Variants in PTPRG observed in about 807,000 individuals in gnomAD.
PTPRG encodes the protein protein tyrosine phosphatase receptor type G.
A neutral mutation model predicts 165.3 loss-of-function variants in PTPRG; 102 were observed. That is an observed-to-expected ratio of 0.62 (90% CI 0.53 to 0.73). The LOEUF is 0.73. PTPRG is among the 30% of genes least tolerant of loss of function. The pLI is 0.00. For missense variants in PTPRG, 1,866 were observed against 1,861.4 expected (o/e 1.00, Z -0.05); for synonymous variants, 675 against 669.5 (o/e 1.01, Z -0.13).
chr3:62,282,834 C>G lies in PTPRG; in HGVS notation c.4020C>G (p.Ala1340=). ...FELINVIKEE[A]LTRDGPTIVH... is the part of the protein sequence containing the mutation. The stretch of plus-strand genomic sequence containing the variant: ...TTATCAACGTCATCAAGGAAGAGGC[C>G]TTAACAAGGGATGGTCCCACCATTG... Residue 1340 remains alanine, a synonymous_variant, in exon 28 of 30, where the codon GCC becomes GCG. Transcript: ENST00000474889. The G allele has an allele frequency of 1.2e-6, 2 of 1,611,320 alleles. No individual in the cohort carries two copies. Among genetic ancestry groups the G allele is most frequent in the Middle Eastern group, 1.7e-4 (1 of 6,046 alleles).
chr3:62,107,148 T>C (rs912552129), intron 5 of PTPRG, among the ~76,000 whole-genome samples: 7 of 152,238 alleles, frequency 4.6e-5, no homozygotes, highest in Non-Finnish European at 8.8e-5. Flanking sequence ...TATCTCACTT[T>C]TCACAGTTGG....
intron 1 of PTPRG, among the ~76,000 whole-genome samples, chr3:61,593,596 T>C (rs994582603): frequency 2.6e-5 from 4 of 152,008 alleles, no homozygotes; most frequent in Admixed American, 6.6e-5. Context: ...GAGGTTCTTA[T>C]AATAATCAGT....
chr3:61,661,437 C>T (rs375055160), intron 1 of PTPRG, among the ~76,000 whole-genome samples: 4 of 151,952 alleles, frequency 2.6e-5, no homozygotes, highest in Non-Finnish European at 4.4e-5. Context: ...TTTTATGCTG[C>T]GTATATCTTA....
At chr3:61,953,160 G>C (rs1434604620) in intron 2 of PTPRG, among the ~76,000 whole-genome samples, 1 of 152,062 alleles carries the variant, frequency 6.6e-6, no homozygotes, top group Non-Finnish European at 1.5e-5. Flanking sequence ...CTCCCAACCT[G>C]CTTCACCTGG....
At chr3:61,968,982 A>C (rs555872158) in intron 2 of PTPRG, among the ~76,000 whole-genome samples, 1 of 152,328 alleles carries the variant, frequency 6.6e-6, no homozygotes, top group East Asian at 1.9e-4. Context: ...TGTCACGTAT[A>C]ATTAAAACTA....
intron 28 of PTPRG, among the ~76,000 whole-genome samples, chr3:62,289,439 A>C (rs1702791175): frequency 1.3e-5 from 2 of 152,222 alleles, no homozygotes; most frequent in South Asian, 4.1e-4. Flanking sequence ...AACAAGGCTT[A>C]GCACCAGAAT....
intron 1 of PTPRG, among the ~76,000 whole-genome samples, chr3:61,690,482 A>G (rs1469983268): frequency 6.6e-6 from 1 of 152,222 alleles, no homozygotes; most frequent in African/African-American, 2.4e-5. Flanking sequence ...CGTCTGATAC[A>G]TGCAAAGTGG....
chr3:62,070,645 C>G (rs1289733897), intron 4 of PTPRG, among the ~76,000 whole-genome samples: 3 of 152,074 alleles, frequency 2.0e-5, no homozygotes, highest in Non-Finnish European at 2.9e-5. Flanking sequence ...TAATACTAGC[C>G]GTTACAAAAT....
chr3:62,016,845 G>T (rs905946148), intron 4 of PTPRG, among the ~76,000 whole-genome samples: 1 of 152,002 alleles, frequency 6.6e-6, no homozygotes, highest in Non-Finnish European at 1.5e-5. Flanking sequence ...CACTGGCTTT[G>T]TTCTTCTCCC....
At chr3:61,745,432 C>T (rs927226399) in intron 1 of PTPRG, among the ~76,000 whole-genome samples, 4 of 152,154 alleles carry the variant, frequency 2.6e-5, no homozygotes, top group African/African-American at 9.7e-5. Flanking sequence ...AGGAATATGC[C>T]TGTGCCCTAT....
In PTPRG at chr3:61,642,400, T is replaced by C. The variant is rs565896527; in HGVS notation, c.85+80028T>C. Among the ~76,000 whole-genome samples, 5 of 152,338 alleles carry C rather than the reference T, an allele frequency of 3.3e-5. No homozygotes were observed. In the East Asian group the frequency reaches 9.6e-4, roughly 29 times the overall value. The stretch of plus-strand genomic sequence containing the variant: ...TGAGATCTTCTGTTCTGGTGATAGA[T>C]GCTTGATTCAGGTTTGGAGAGCAGC... On this transcript the variant is annotated intron_variant, in intron 1 of 29. Coordinates refer to ENST00000474889, the MANE Select transcript of PTPRG (RefSeq NM_002841.4).
chr3:61,644,281 C>G (rs1483412666), intron 1 of PTPRG, among the ~76,000 whole-genome samples: 1 of 152,000 alleles, frequency 6.6e-6, no homozygotes, highest in African/African-American at 2.4e-5. Context: ...TTTTTTTATG[C>G]CTTGTGAAAA....
At chr3:62,177,098 C>G (rs1705455041) in intron 8 of PTPRG, among the ~76,000 whole-genome samples, 1 of 151,892 alleles carries the variant, frequency 6.6e-6, no homozygotes, top group Admixed American at 6.6e-5. Flanking sequence ...CCCATCTCCA[C>G]CAAGAAAAGA....
At chr3:62,114,327 C>T (rs530476204) in intron 5 of PTPRG, among the ~76,000 whole-genome samples, 5 of 151,528 alleles carry the variant, frequency 3.3e-5, no homozygotes, top group South Asian at 2.1e-4. Context: ...AAAAAAAAAA[C>T]GTAGATTTCC....
intron 2 of PTPRG, among the ~76,000 whole-genome samples, chr3:61,870,494 T>A (rs1476674835): frequency 3.1e-5 from 4 of 127,982 alleles, no homozygotes; most frequent in Non-Finnish European, 4.8e-5. Context: ...TTTTTTTTTT[T>A]TTTTTTTTGT....
chr3:62,208,960 C>T (rs1700293235), intron 12 of PTPRG, among the ~76,000 whole-genome samples: 1 of 152,142 alleles, frequency 6.6e-6, no homozygotes, highest in Non-Finnish European at 1.5e-5. Context: ...AGCCACACGG[C>T]CCATGGCAAG....
intron 5 of PTPRG, among the ~76,000 whole-genome samples, chr3:62,129,194 T>C (rs572118837): frequency 6.6e-6 from 1 of 152,288 alleles, no homozygotes; most frequent in South Asian, 2.1e-4. Flanking sequence ...GTATCAGACA[T>C]GGAGAAGCTG....
chr3:61,570,858 C>CT (rs1043098040), intron 1 of PTPRG, among the ~76,000 whole-genome samples: 2 of 152,176 alleles, frequency 1.3e-5, no homozygotes, highest in Non-Finnish European at 2.9e-5. Flanking sequence ...AAGCGTTTCT[C>CT]TTCAGTAAGT....
At chr3:61,896,994 G>A (rs905483751) in intron 2 of PTPRG, among the ~76,000 whole-genome samples, 1 of 151,328 alleles carries the variant, frequency 6.6e-6, no homozygotes, top group African/African-American at 2.4e-5. Context: ...TGAATTTGTG[G>A]TGTGCAAGTA....
Sources: gnomAD v4.1 joint callset for allele counts (sites outside exome capture counted in the v4.1 genomes callset) on GRCh38, gnomAD v4.1.1 for gene constraint, MANE v1.5 for transcripts, NCBI Gene and HGNC (gene_info 2026-07-23, HGNC 2026-07-21) for gene names.